Variants in DNAH1 observed in about 807,000 individuals in gnomAD.
DNAH1 encodes the protein dynein axonemal heavy chain 1.
DNAH1 carries 327 observed loss-of-function variants against 484.3 expected under a neutral mutation model. The ratio of observed to expected loss-of-function variants is 0.68; its 90% CI spans 0.62 to 0.74. The LOEUF (loss-of-function observed/expected upper bound fraction) is 0.74. Among genes scored for constraint, DNAH1 ranks in the 30% least tolerant of loss-of-function variants. The pLI is 0.00. For synonymous variants in DNAH1, 2,192 were observed against 2,191.9 expected (o/e 1.00, Z 0.00); for missense variants, 5,052 against 5,546.8 (o/e 0.91, Z 2.83).
rs199808005 is a variant in DNAH1 at position 52,369,976 on chromosome 3, C to G, written c.6095C>G (p.Pro2032Arg). ...AGGAAGCTGCCTCCCTTGCTGAAGC[C>G]CTATGAGGAGCATTTCAAGGCCCTC... ...WLRKLPPLLK[P>R]YEEHFKALFV... Residue 2032 changes from proline to arginine, a missense_variant, in exon 38 of 78, where the codon CCC (proline) becomes CGC (arginine). Pro to Arg is a moderately radical substitution (Grantham distance 103). This residue lies in a region of DNAH1 where 2,929 missense variants were observed against 3,409.4 expected (regional missense o/e 0.86). Coordinates refer to ENST00000420323, the MANE Select transcript of DNAH1 (RefSeq NM_015512.5). 3.7e-6 allele frequency: 6 copies of G among 1,613,882 alleles called. No individual in the cohort carries two copies. The highest frequency in any genetic ancestry group is 4.2e-6 in the Non-Finnish European group (5 of 1,179,846).
At chr3:52,314,032 G>C (rs1246944780), upstream of DNAH1, among the ~76,000 whole-genome samples, 2 of 152,182 alleles carry the variant, frequency 1.3e-5, no homozygotes, top group African/African-American at 4.8e-5. Flanking sequence ...CAGCCTTGGG[G>C]GATGAGTGGA....
In DNAH1 at chr3:52,364,532, G is replaced by A. The variant is rs1702989089; in HGVS notation, c.5245-106G>A. The stretch of plus-strand genomic sequence containing the variant: ...CAGGTCTGCAAGGGAAGTGCTATGA[G>A]CTGGTGATGAGACTTGGCCAACTGC... On this transcript the variant is annotated intron_variant, in intron 32 of 77. Transcript: ENST00000420323. The surrounding 1 kb of genome is among the most constrained non-coding windows in gnomAD (Gnocchi z 4.2). 3.2e-6 allele frequency: 4 copies of A among 1,266,110 alleles called. No homozygotes were observed. In the Admixed American group the frequency reaches 6.9e-5, roughly 22 times the overall value. 78.4% of individuals were successfully genotyped at this position (1,266,110 alleles called of 1,614,324 possible). A position where few individuals can be genotyped will look rare whatever the true frequency, so the allele number is the denominator to read the frequency against.
chr3:52,348,575 C>G (rs1702238898), intron 12 of DNAH1, among the ~76,000 whole-genome samples: 1 of 152,232 alleles, frequency 6.6e-6, no homozygotes, highest in South Asian at 2.1e-4. Flanking sequence ...CTTCATGACC[C>G]AGCTGTCTTT....
chr3:52,376,984 G>A (rs960496951), intron 46 of DNAH1, among the ~76,000 whole-genome samples: 4 of 151,926 alleles, frequency 2.6e-5, no homozygotes, highest in Non-Finnish European at 4.4e-5. Context: ...GCCCATTCTC[G>A]GCTGGACTGG....
At chr3:52,363,914 C>T (rs192756577) in intron 32 of DNAH1, among the ~76,000 whole-genome samples, 1 of 152,314 alleles carries the variant, frequency 6.6e-6, no homozygotes, top group East Asian at 1.9e-4. Context: ...TCACAGTGCA[C>T]TCCTGGGTGC....
Position 52,361,764 on chromosome 3 carries a change from C to T in DNAH1, c.4978C>T (p.Arg1660Trp), listed in dbSNP as rs531427661. Residue 1660 changes from arginine to tryptophan, a missense_variant and splice_region_variant, in exon 30 of 78, where the codon CGG becomes TGG. Transcript: ENST00000420323. The surrounding 1 kb of genome is among the most constrained non-coding windows in gnomAD (Gnocchi z 5.6). ...CACCATCCAGAAGGCGCAGCAGCAG[C>T]GGGTGAGCCCGGGGGACCCACCTTA... is the stretch of plus-strand genomic sequence containing the variant. ...ITTIQKAQQQ[R>W]VERFMFEGVE... 33 of 1,598,890 alleles carry T rather than the reference C, an allele frequency of 2.1e-5. No homozygotes were observed. The highest frequency in any genetic ancestry group is 8.0e-5 in the African/African-American group (6 of 74,762).
chr3:52,398,180 C>T lies in DNAH1; in HGVS notation c.12089+18C>T, dbSNP rs747764373. 3.8e-6 allele frequency: 6 copies of T among 1,595,092 alleles called. No homozygotes were observed. In the East Asian group the frequency reaches 6.7e-5, roughly 18 times the overall value. The stretch of plus-strand genomic sequence containing the variant: ...GTCATTAGGTAATCACCCCGCCATA[C>T]CCCTGCCCCGAGTCAGCGGCCACTG... On this transcript the variant is annotated intron_variant, in intron 75 of 77. Transcript: ENST00000420323.
intron 8 of DNAH1, among the ~76,000 whole-genome samples, chr3:52,337,441 C>G (rs1701777070): frequency 6.6e-6 from 1 of 152,150 alleles, no homozygotes; most frequent in South Asian, 2.1e-4. Flanking sequence ...CCTTTCTAAA[C>G]TAATTCATTT....
intron 16 of DNAH1, among the ~76,000 whole-genome samples, chr3:52,351,359 C>A (rs1385388232): frequency 6.6e-6 from 1 of 152,244 alleles, no homozygotes; most frequent in Non-Finnish European, 1.5e-5. Context: ...AGAGACCCCA[C>A]ACCCAGTGCT....
At chr3:52,376,286 C>T (rs1703598017) in intron 46 of DNAH1, among the ~76,000 whole-genome samples, 1 of 152,228 alleles carries the variant, frequency 6.6e-6, no homozygotes, top group South Asian at 2.1e-4. Flanking sequence ...AACTCCCACC[C>T]TGTGTGAAGA....
At chr3:52,388,771 C>T (rs756656224) in intron 58 of DNAH1, 35 bp from the exon 59 acceptor site, 56 of 1,611,200 alleles carry the variant, frequency 3.5e-5, no homozygotes, top group South Asian at 8.8e-5. Flanking sequence ...CTAGCCCAGC[C>T]TCCCAGAGCC....
chr3:52,398,817 C>T, intron 75 of DNAH1, 33 bp from the exon 76 acceptor site: 1 of 1,477,260 alleles, frequency 6.8e-7, no homozygotes, highest in Non-Finnish European at 9.0e-7. Flanking sequence ...TGACCCCAGC[C>T]CACTACCTAT....
chr3:52,322,864 T>TC, intron 2 of DNAH1, 89 bp downstream of exon 2: 1 of 1,156,512 alleles, frequency 8.6e-7, no homozygotes, highest in Admixed American at 2.2e-5. Flanking sequence ...CATCAGTCAG[T>TC]CCATCTGTTC....
chr3:52,375,057 T>C (rs1343753284), intron 44 of DNAH1, among the ~76,000 whole-genome samples, 183 bp from the exon 45 acceptor site: 3 of 150,936 alleles, frequency 2.0e-5, no homozygotes, highest in Admixed American at 2.0e-4. Context: ...AAAAAAAAAG[T>C]TAAAGGAGAG....
rs1232270056 is a variant in DNAH1 at position 52,353,763 on chromosome 3, A to G, written c.3480+130A>G. 1.6e-6 allele frequency: 2 copies of G among 1,260,538 alleles called. No individual in the cohort carries two copies. The highest frequency in any genetic ancestry group is 2.2e-6 in the Non-Finnish European group (2 of 917,626). 78.1% of individuals were successfully genotyped at this position (1,260,538 alleles called of 1,614,324 possible). ...CCCCATCCCTGGGGTCATGAGGCCC[A>G]GGGGTTGAGATGCATTCTATTAAGT... On this transcript the variant is annotated intron_variant, in intron 20 of 77. Coordinates refer to ENST00000420323, the MANE Select transcript of DNAH1 (RefSeq NM_015512.5). The surrounding 1 kb of genome is among the most constrained non-coding windows in gnomAD (Gnocchi z 5.0).
intron 8 of DNAH1, 138 bp from the exon 9 acceptor site, chr3:52,344,352 T>G (rs1578106732): frequency 1.9e-6 from 2 of 1,026,530 alleles, no homozygotes; most frequent in Non-Finnish European, 2.8e-6. Flanking sequence ...CAGGGCCGGG[T>G]GGGGGTGTGC....
chr3:52,395,703 C>T lies in DNAH1; in HGVS notation c.11259+25C>T, dbSNP rs773706253. On this transcript the variant is annotated intron_variant, in intron 70 of 77. Coordinates refer to ENST00000420323, the MANE Select transcript of DNAH1 (RefSeq NM_015512.5). This position sits in a 1 kb window ranked among gnomAD's most constrained non-coding sequence, Gnocchi z 4.4. ...GGTGTGTTGCCCTGCCCATCACAGA[C>T]CCAGTGGGGCCGCCTCTGCATCCAT... 1 of 1,605,624 alleles carries T rather than the reference C, an allele frequency of 6.2e-7. No homozygotes were observed. The highest frequency in any genetic ancestry group is 8.5e-7 in the Non-Finnish European group (1 of 1,175,734).
intron 32 of DNAH1, among the ~76,000 whole-genome samples, chr3:52,363,967 C>G (rs546829046): frequency 2.0e-5 from 3 of 152,308 alleles, no homozygotes; most frequent in South Asian, 4.1e-4. Flanking sequence ...CTCCCCACCC[C>G]CAATCAGAGC....
rs200814267 is a variant in DNAH1, at chr3:52,346,662, A to G, written c.1847A>G (p.Gln616Arg). The G allele has an allele frequency of 3.1e-6, 5 of 1,614,066 alleles. No homozygotes were observed. The highest frequency in any genetic ancestry group is 3.3e-5 in the Admixed American group (2 of 60,026). ...CAGGACACACTGCGCTTCCTGGTGC[A>G]GGACTCACTTGCCAGCTTCTCACAG... ...MLQDTLRFLV[Q>R]DSLASFSQFI... is the part of the protein sequence containing the mutation. Residue 616 changes from glutamine (Q) to arginine (R), a missense_variant, in exon 11 of 78, where the codon CAG becomes CGG. Coordinates refer to ENST00000420323, the MANE Select transcript of DNAH1 (RefSeq NM_015512.5).
Sources: allele counts gnomAD v4.1 joint callset (sites outside exome capture counted in the v4.1 genomes callset), GRCh38; gene constraint gnomAD v4.1.1; regional missense constraint gnomAD v4.1.1; non-coding constraint Gnocchi (gnomAD v3.1); transcripts MANE v1.5; gene names NCBI Gene and HGNC (gene_info 2026-07-23, HGNC 2026-07-21).